DENND1A: variants seen among roughly 807,000 people sequenced by gnomAD.
The protein encoded by DENND1A is DENN domain containing 1A.
Under a neutral mutation model 113.7 loss-of-function variants are expected in DENND1A, and 51 were observed. That is an observed-to-expected ratio of 0.45 (90% CI 0.36 to 0.57). The LOEUF is 0.57. Among genes scored for constraint, DENND1A ranks in the 20% least tolerant of loss-of-function variants. The pLI is 0.00. For synonymous variants in DENND1A, 565 were observed against 570.8 expected, an observed-to-expected ratio of 0.99 and a Z score of 0.14; for missense variants, 1,258 against 1,395.9, an observed-to-expected ratio of 0.90 and a Z score of 1.57.
At chr9:123,391,760 T>TAAAAAA (rs1564407063) in intron 21 of DENND1A, among the ~76,000 whole-genome samples, 1 of 12,088 alleles carries the variant, frequency 8.3e-5, no homozygotes, top group African/African-American at 2.4e-4. Flanking sequence ...AGGCAGAATA[T>TAAAAAA]GAAAAAAAAA....
At chr9:123,525,160 A>G (rs1311179197) in intron 13 of DENND1A, among the ~76,000 whole-genome samples, 1 of 152,212 alleles carries the variant, frequency 6.6e-6, no homozygotes, top group Admixed American at 6.5e-5. Context: ...AGCAGAGCCA[A>G]GATCTGAAAC....
chr9:123,465,460 T>C (rs764951653), intron 13 of DENND1A, among the ~76,000 whole-genome samples: 2 of 152,166 alleles, frequency 1.3e-5, no homozygotes, highest in Non-Finnish European at 1.5e-5. Context: ...CTGACTGTAC[T>C]AGCTATGTGC....
At chr9:123,790,751 A>G (rs1832872509) in intron 3 of DENND1A, among the ~76,000 whole-genome samples, 1 of 152,156 alleles carries the variant, frequency 6.6e-6, no homozygotes, top group Non-Finnish European at 1.5e-5. Flanking sequence ...ATAATAGCCT[A>G]TATTTCTCTC....
chr9:123,448,401 C>T (rs958101563), intron 18 of DENND1A, among the ~76,000 whole-genome samples: 11 of 152,194 alleles, frequency 7.2e-5, no homozygotes, highest in Admixed American at 2.0e-4. Context: ...TGTAGCTTAA[C>T]GGTCTGCAGA....
chr9:123,503,090 T>G (rs183952502), intron 13 of DENND1A, among the ~76,000 whole-genome samples: 2 of 152,288 alleles, frequency 1.3e-5, no homozygotes, highest in Admixed American at 6.5e-5. Context: ...TTATGTCAGG[T>G]GCTTCACATA....
intron 5 of DENND1A, among the ~76,000 whole-genome samples, chr9:123,696,713 T>C (rs1243974096): frequency 6.6e-6 from 1 of 152,216 alleles, no homozygotes; most frequent in Non-Finnish European, 1.5e-5. Context: ...ATAATAAATA[T>C]ACTCCCCTTT....
At chr9:123,812,037 A>G (rs903112677) in intron 2 of DENND1A, among the ~76,000 whole-genome samples, 1 of 152,186 alleles carries the variant, frequency 6.6e-6, no homozygotes, top group Non-Finnish European at 1.5e-5. Context: ...ACTATATGGT[A>G]TAGCTAAAGC....
chr9:123,792,741 G>C, intron 2 of DENND1A, 111 bp from the exon 3 acceptor site: 3 of 1,217,112 alleles, frequency 2.5e-6, no homozygotes, highest in Non-Finnish European at 3.5e-6. Flanking sequence ...GGGGATCCAA[G>C]GGGGGCAGCT....
chr9:123,408,676 C>T (rs947137951), intron 20 of DENND1A, among the ~76,000 whole-genome samples: 16 of 152,152 alleles, frequency 1.1e-4, no homozygotes, highest in Non-Finnish European at 1.8e-4. Context: ...CCAAAGCTAG[C>T]GCCAGGCTAG....
intron 5 of DENND1A, among the ~76,000 whole-genome samples, chr9:123,714,543 A>G (rs1013788109): frequency 1.3e-5 from 2 of 152,176 alleles, no homozygotes; most frequent in Non-Finnish European, 2.9e-5. Flanking sequence ...CAGAGATTGC[A>G]GTGAGCCAAG....
intron 5 of DENND1A, among the ~76,000 whole-genome samples, chr9:123,726,400 C>T (rs1277857453): frequency 6.6e-6 from 1 of 152,246 alleles, no homozygotes; most frequent in African/African-American, 2.4e-5. Flanking sequence ...TTCCACCACA[C>T]TCCATGCTGC....
chr9:123,679,921 G>A (rs766929577), intron 5 of DENND1A, among the ~76,000 whole-genome samples: 1 of 152,206 alleles, frequency 6.6e-6, no homozygotes, highest in South Asian at 2.1e-4. Flanking sequence ...TTTGTGTGAC[G>A]GCTTGAGTCC....
chr9:123,887,414 C>T (rs747394547), intron 1 of DENND1A, among the ~76,000 whole-genome samples: 2 of 152,130 alleles, frequency 1.3e-5, no homozygotes, highest in Non-Finnish European at 2.9e-5. Flanking sequence ...CAGGGAACAA[C>T]CTGGTGTGGG....
intron 5 of DENND1A, among the ~76,000 whole-genome samples, chr9:123,722,345 C>T (rs1052786588): frequency 6.6e-6 from 1 of 152,182 alleles, no homozygotes; most frequent in African/African-American, 2.4e-5. Context: ...GAAAAATTTG[C>T]AGCCTGACAA....
intron 5 of DENND1A, among the ~76,000 whole-genome samples, chr9:123,681,031 G>T (rs996019283): frequency 6.6e-6 from 1 of 152,094 alleles, no homozygotes; most frequent in Non-Finnish European, 1.5e-5. Flanking sequence ...CCACTGAGGG[G>T]TCATTGGGCA....
At chr9:123,818,217 G>C (rs554825828) in intron 2 of DENND1A, among the ~76,000 whole-genome samples, 1 of 151,244 alleles carries the variant, frequency 6.6e-6, no homozygotes, top group African/African-American at 2.4e-5. Context: ...CCATTCTCCT[G>C]CCTCAGCCTC....
chr9:123,668,518 A>G (rs1332386599), intron 7 of DENND1A, among the ~76,000 whole-genome samples: 1 of 152,182 alleles, frequency 6.6e-6, no homozygotes, highest in African/African-American at 2.4e-5. Flanking sequence ...AAATGGGTAA[A>G]TTAATGCTCA....
chr9:123,619,071 A>G (rs1461239412), intron 10 of DENND1A, among the ~76,000 whole-genome samples: 1 of 152,086 alleles, frequency 6.6e-6, no homozygotes, highest in Admixed American at 6.5e-5. Flanking sequence ...CCTCAGCCTC[A>G]GAGTAGCTGG....
chr9:123,662,878 T>C (rs180936073), intron 8 of DENND1A, among the ~76,000 whole-genome samples: 2 of 152,322 alleles, frequency 1.3e-5, no homozygotes, highest in African/African-American at 4.8e-5. Context: ...TCTGTGTGTT[T>C]CGGGGTGGGG....
Sources: allele counts gnomAD v4.1 joint callset (sites outside exome capture counted in the v4.1 genomes callset), GRCh38; gene constraint gnomAD v4.1.1; transcripts MANE v1.5; gene names NCBI Gene and HGNC (gene_info 2026-07-23, HGNC 2026-07-21).